KIAA0232: variants seen among roughly 807,000 people sequenced by gnomAD.
KIAA0232 encodes KIAA0232, also known as uncharacterized protein KIAA0232.
In KIAA0232, 27 loss-of-function variants were observed where a neutral mutation model predicts 122.0. That is an observed-to-expected ratio of 0.22 (90% CI 0.16 to 0.31). KIAA0232 has a LOEUF of 0.31. Ranked by LOEUF, KIAA0232 falls within the 10% of genes least tolerant of loss-of-function variation. The pLI, the probability that KIAA0232 is intolerant of heterozygous loss-of-function variation, is 1.00. For missense variants in KIAA0232, 1,551 were observed against 1,634.2 expected (o/e 0.95, Z 0.88); for synonymous variants, 613 against 587.6 (o/e 1.04, Z -0.63).
At chr4:6,846,714 A>G (rs1157211947) in intron 4 of KIAA0232, among the ~76,000 whole-genome samples, 2 of 152,030 alleles carry the variant, frequency 1.3e-5, no homozygotes, top group Non-Finnish European at 2.9e-5. Context: ...AGTGTGTGGT[A>G]GTTTATGAAT....
intron 2 of KIAA0232, among the ~76,000 whole-genome samples, chr4:6,818,399 CA>C (rs34255308): frequency 0.22 from 17,812 of 81,820 alleles, 1,046 homozygotes; most frequent in Middle Eastern, 0.31. Context: ...GACTCCGTCT[CA>C]AAAAAAAAAA....
chr4:6,872,209 A>G (rs1721531314), intron 8 of KIAA0232, among the ~76,000 whole-genome samples: 1 of 152,232 alleles, frequency 6.6e-6, no homozygotes, highest in South Asian at 2.1e-4. Flanking sequence ...GAACAATTCT[A>G]GTAACAGAGT....
chr4:6,831,896 G>A (rs189154379), intron 3 of KIAA0232, among the ~76,000 whole-genome samples: 10 of 152,150 alleles, frequency 6.6e-5, no homozygotes, highest in Admixed American at 2.6e-4. Flanking sequence ...CTCTTGTCCC[G>A]GACCTAGGTC....
chr4:6,836,541 CTTTTCTTTTTTTTTTTTTT>C (rs1719286474), intron 3 of KIAA0232, among the ~76,000 whole-genome samples: 1 of 92,720 alleles, frequency 1.1e-5, no homozygotes, highest in Non-Finnish European at 2.4e-5. Flanking sequence ...TTTTTTTTTT[CTTTTCTTTTTTTTTTTTTT>C]AGTATTTATT....
chr4:6,824,756 C>T (rs1718589958), intron 3 of KIAA0232, 72 bp downstream of exon 3: 10 of 1,266,918 alleles, frequency 7.9e-6, no homozygotes, highest in Non-Finnish European at 4.5e-6. Context: ...TAAACAAGCA[C>T]TTTTATACTT....
intron 3 of KIAA0232, among the ~76,000 whole-genome samples, chr4:6,832,920 C>T (rs537076632): frequency 1.3e-5 from 2 of 152,290 alleles, no homozygotes; most frequent in South Asian, 4.1e-4. Flanking sequence ...GTCCATCCTT[C>T]TAGAAATGTA....
Position 6,824,691 on chromosome 4 carries a change from A to C in KIAA0232, c.231+7A>C, listed in dbSNP as rs1718586684. On this transcript the variant is annotated splice_region_variant and intron_variant, in intron 3 of 9. Transcript: ENST00000307659. ...CTACGACCTGCAGGAACAGGTATTT[A>C]CATATTTTAAGTGTTTTCTGAAAAC... 1 of 1,610,632 alleles carries C rather than the reference A, an allele frequency of 6.2e-7. No individual in the cohort carries two copies.
chr4:6,842,144 A>G lies in KIAA0232; in HGVS notation c.309A>G (p.Leu103=), dbSNP rs1308595883. ...WGKSKKKCSD[L]TLEEMKKQAA... ...AGAGTAAGAAAAAATGTTCAGATCT[A>G]ACTCTAGAAGAAATGAAAAAACAGG... The change falls in exon 4 of 10, where the codon CTA becomes CTG. Residue 103 remains leucine (L), a synonymous_variant. Coordinates refer to ENST00000307659, the MANE Select transcript of KIAA0232 (RefSeq NM_014743.3). 3.7e-6 allele frequency: 6 copies of G among 1,612,660 alleles called. No individual in the cohort carries two copies. Among genetic ancestry groups the G allele is most frequent in the Non-Finnish European group, 3.4e-6 (4 of 1,179,556 alleles).
At chr4:6,841,487 G>A (rs1719659741) in intron 3 of KIAA0232, among the ~76,000 whole-genome samples, 2 of 152,092 alleles carry the variant, frequency 1.3e-5, no homozygotes, top group Admixed American at 1.3e-4. Context: ...TCATGCTTGT[G>A]GATTAATACC....
intron 9 of KIAA0232, among the ~76,000 whole-genome samples, chr4:6,879,824 GCC>G (rs36145176): frequency 0.38 from 10,451 of 27,454 alleles, 2,228 homozygotes; most frequent in Middle Eastern, 0.48. Flanking sequence ...CATCTGCAGT[GCC>G]CCCCCTCACC....
At chr4:6,865,895 G>C (rs1721150600) in intron 7 of KIAA0232, among the ~76,000 whole-genome samples, 1 of 152,054 alleles carries the variant, frequency 6.6e-6, no homozygotes, top group African/African-American at 2.4e-5. Context: ...TTTCTCATGA[G>C]TTATTTATAT....
At chr4:6,876,839 G>A in intron 9 of KIAA0232, 82 bp downstream of exon 9, 1 of 939,970 alleles carries the variant, frequency 1.1e-6, no homozygotes, top group Non-Finnish European at 1.7e-6. Flanking sequence ...AAACCTGGGA[G>A]TCATGTGAGT....
chr4:6,853,745 C>T (rs1490151027), intron 4 of KIAA0232, among the ~76,000 whole-genome samples: 1 of 152,172 alleles, frequency 6.6e-6, no homozygotes, highest in Non-Finnish European at 1.5e-5. Context: ...CTTTCTTTTA[C>T]TTTACGCTTA....
chr4:6,782,753 C>T lies in KIAA0232; in HGVS notation c.-442C>T, dbSNP rs1226450912. The stretch of plus-strand genomic sequence containing the variant: ...CTTTACGTAAGGCGCAGGCCAGGGC[C>T]GCCCGGCGCTCGGCAGCCGCCCGCA... On this transcript the variant is annotated 5_prime_UTR_variant, in exon 1 of 10. Transcript: ENST00000307659. 1 of 149,138 alleles carries T rather than the reference C, an allele frequency of 6.7e-6. No individual in the cohort carries two copies. The highest frequency in any genetic ancestry group is 1.5e-5 in the Non-Finnish European group (1 of 67,170). 9.2% of individuals were successfully genotyped at this position (149,138 alleles called of 1,614,324 possible). A position where few individuals can be genotyped will look rare whatever the true frequency, so the allele number is the denominator to read the frequency against.
chr4:6,789,268 G>A (rs1716774497), intron 1 of KIAA0232, among the ~76,000 whole-genome samples: 1 of 151,040 alleles, frequency 6.6e-6, no homozygotes, highest in Admixed American at 6.6e-5. Flanking sequence ...ACCATGCCCG[G>A]CCTTTTCTTT....
chr4:6,844,807 T>C (rs1361844701), intron 4 of KIAA0232, among the ~76,000 whole-genome samples: 2 of 152,218 alleles, frequency 1.3e-5, no homozygotes, highest in Admixed American at 1.3e-4. Context: ...CACTTATACA[T>C]ACAGCTATCT....
At position 6,871,626 on chromosome 4, in the gene KIAA0232, A is replaced by T. The variant is rs936926134; in HGVS notation, c.3854A>T (p.Gln1285Leu). 1 of 1,613,192 alleles carries T rather than the reference A, an allele frequency of 6.2e-7. No homozygotes were observed. Among genetic ancestry groups the T allele is most frequent in the Admixed American group, 1.7e-5 (1 of 60,018 alleles). Reference protein sequence around the residue: ...IQGMNRSQEKQTWWEKALYSP... With the variant: ...IQGMNRSQEKLTWWEKALYSP... ...GGAATGAATAGAAGTCAAGAAAAAC[A>T]GACCTGGTGGGAAAAAGCCTTGTAC... The change falls in exon 8 of 10, where the codon CAG becomes CTG. Residue 1285 changes from glutamine (Q) to leucine (L), a missense_variant. This residue lies in a region of KIAA0232 where 1,108 missense variants were observed against 1,154.8 expected (regional missense o/e 0.96). Coordinates refer to ENST00000307659, the MANE Select transcript of KIAA0232 (RefSeq NM_014743.3).
intron 9 of KIAA0232, 61 bp downstream of exon 9, chr4:6,876,818 A>G: frequency 8.3e-7 from 1 of 1,209,430 alleles, no homozygotes; most frequent in Non-Finnish European, 1.2e-6. Context: ...TCCAGTTGTC[A>G]CTGTAGTCAA....
At chr4:6,846,560 G>A (rs1719978438) in intron 4 of KIAA0232, among the ~76,000 whole-genome samples, 1 of 151,842 alleles carries the variant, frequency 6.6e-6, no homozygotes, top group African/African-American at 2.4e-5. Flanking sequence ...TACCTGCTTG[G>A]TCTGTGGAAC....
Sources: gnomAD v4.1 joint callset for allele counts (sites outside exome capture counted in the v4.1 genomes callset) on GRCh38, gnomAD v4.1.1 for gene constraint, gnomAD v4.1.1 regional missense constraint, MANE v1.5 for transcripts, NCBI Gene and HGNC (gene_info 2026-07-23, HGNC 2026-07-21) for gene names.